Variants in NRXN3 observed in about 807,000 individuals in gnomAD.
The protein encoded by NRXN3 is neurexin 3, also known as neurexin III.
NRXN3 carries 32 observed loss-of-function variants against 137.6 expected under a neutral mutation model. The observed-to-expected ratio is 0.23, with a 90% CI of 0.18 to 0.31. The LOEUF is 0.31. Ranked by LOEUF, NRXN3 falls within the 10% of genes least tolerant of loss-of-function variation. The probability of loss-of-function intolerance (pLI) is 1.00; values close to 1 mark genes in which losing one functional copy is unlikely to be tolerated. For missense variants in NRXN3, 1,574 were observed against 2,062.5 expected (o/e 0.76, Z 4.59); for synonymous variants, 798 against 784.5 (o/e 1.02, Z -0.29).
intron 8 of NRXN3, among the ~76,000 whole-genome samples, chr14:78,786,856 A>G (rs545202287): frequency 5.3e-5 from 8 of 152,258 alleles, no homozygotes; most frequent in Admixed American, 1.3e-4. Flanking sequence ...AAACTTTTTC[A>G]TATCTCTGTA....
chr14:78,273,673 T>C (rs1164497436), intron 2 of NRXN3, among the ~76,000 whole-genome samples: 3 of 152,162 alleles, frequency 2.0e-5, no homozygotes, highest in African/African-American at 7.2e-5. Context: ...TAGGTAAATA[T>C]GTGTGTATAC....
In NRXN3 at chr14:79,744,459, C is replaced by G. The variant is rs1417728681; in HGVS notation, c.4014+46522C>G. Among the ~76,000 whole-genome samples the G allele has an allele frequency of 2.0e-5, 3 of 152,276 alleles. No individual in the cohort carries two copies. The East Asian group carries it at 5.8e-4, about 29-fold the overall frequency. On this transcript the variant is annotated intron_variant, in intron 19 of 20. Coordinates refer to ENST00000335750, the MANE Select transcript of NRXN3 (RefSeq NM_001330195.2). ...TTATGTCACATCACACTTGTGACTC[C>G]CACTGACATCTAAAGTAGTGTGAGC...
intron 1 of NRXN3, among the ~76,000 whole-genome samples, chr14:78,179,374 C>T (rs528587739): frequency 6.6e-6 from 1 of 152,288 alleles, no homozygotes; most frequent in East Asian, 1.9e-4. Context: ...AGCCCCTAGG[C>T]TGAGCTGCAT....
chr14:78,459,094 A>T (rs891253497), intron 4 of NRXN3, among the ~76,000 whole-genome samples: 38 of 152,322 alleles, frequency 2.5e-4, no homozygotes, highest in African/African-American at 8.2e-4. Context: ...CAGTGGGTAG[A>T]TGTGGACTTA....
intron 10 of NRXN3, among the ~76,000 whole-genome samples, chr14:78,943,654 A>G (rs1427012753): frequency 2.7e-5 from 2 of 74,860 alleles, no homozygotes; most frequent in Non-Finnish European, 5.0e-5. Flanking sequence ...ATATATATAT[A>G]TATATATATA....
intron 8 of NRXN3, among the ~76,000 whole-genome samples, chr14:78,724,646 T>C (rs1002830471): frequency 1.8e-4 from 27 of 152,250 alleles, no homozygotes; most frequent in African/African-American, 6.3e-4. Context: ...TGTGAAGATA[T>C]ACTTTTATGT....
chr14:79,354,082 A>C (rs1437659068), intron 15 of NRXN3, among the ~76,000 whole-genome samples: 1 of 152,182 alleles, frequency 6.6e-6, no homozygotes, highest in African/African-American at 2.4e-5. Flanking sequence ...AGTGAAAGTG[A>C]CACATTCTTG....
At chr14:78,381,247 G>A (rs1266308813) in intron 4 of NRXN3, among the ~76,000 whole-genome samples, 1 of 152,136 alleles carries the variant, frequency 6.6e-6, no homozygotes, top group African/African-American at 2.4e-5. Flanking sequence ...AGTTTCTTAG[G>A]CTTGTCCCCA....
rs1365715788 is a variant in NRXN3, at chr14:78,924,985, C to G, written c.2276-32257C>G. On this transcript the variant is annotated intron_variant, in intron 10 of 20. Coordinates refer to ENST00000335750, the MANE Select transcript of NRXN3 (RefSeq NM_001330195.2). ...TGTGAGTATTCACAAGCAAGAACCT[C>G]TGGCACATCTTCATCTTTATAATTC... Among the ~76,000 whole-genome samples, 4 of 152,186 alleles carry G rather than the reference C, an allele frequency of 2.6e-5. 1 individual carries two copies. Among genetic ancestry groups the G allele is most frequent in the Non-Finnish European group, 5.9e-5 (4 of 68,038 alleles).
chr14:79,536,671 C>T (rs144527617), intron 16 of NRXN3, among the ~76,000 whole-genome samples: 9,813 of 152,118 alleles, frequency 0.065, 356 homozygotes, highest in Middle Eastern at 0.14. Context: ...CATGTGTTCT[C>T]ATTGTTCAGC....
chr14:78,863,328 G>T (rs952427609), intron 10 of NRXN3, among the ~76,000 whole-genome samples: 11 of 152,130 alleles, frequency 7.2e-5, no homozygotes, highest in Non-Finnish European at 1.6e-4. Context: ...TATCAGTTCA[G>T]CCCCCGTATG....
chr14:78,990,474 C>T (rs113010040), intron 15 of NRXN3, among the ~76,000 whole-genome samples: 5,572 of 146,650 alleles, frequency 0.038, 146 homozygotes, highest in Admixed American at 0.07. Context: ...CAGGTTCAAG[C>T]GATTCTCCTG....
intron 8 of NRXN3, among the ~76,000 whole-genome samples, chr14:78,766,878 G>T (rs1016735798): frequency 6.6e-6 from 1 of 152,128 alleles, no homozygotes; most frequent in Non-Finnish European, 1.5e-5. Context: ...AATTCATCAT[G>T]GAGCTAGCAT....
In NRXN3 at chr14:79,861,759, C is replaced by T; in HGVS notation, c.4511C>T (p.Ala1504Val). The change falls in exon 21 of 21, where the codon GCT becomes GTT. Residue 1504 changes from alanine to valine, a missense_variant. Ala to Val is a moderately conservative substitution (Grantham distance 64). Transcript: ENST00000335750. The surrounding 1 kb of genome is among the most constrained non-coding windows in gnomAD (Gnocchi z 5.4). Reference sequence around the variant, plus strand: ...ACAGGGATGGTCGTCGGCATTGTGGCTGCTGCCGCCCTCTGCATCTTGATC... The same window carrying T: ...ACAGGGATGGTCGTCGGCATTGTGGTTGCTGCCGCCCTCTGCATCTTGATC... Reference protein sequence around the residue: ...STTGMVVGIVAAAALCILILL... With the variant: ...STTGMVVGIVVAAALCILILL... 1 of 1,614,078 alleles carries T rather than the reference C, an allele frequency of 6.2e-7. No individual in the cohort carries two copies. Among genetic ancestry groups the T allele is most frequent in the Middle Eastern group, 1.6e-4 (1 of 6,062 alleles).
At chr14:78,759,747 G>A (rs1429367709) in intron 8 of NRXN3, among the ~76,000 whole-genome samples, 1 of 152,174 alleles carries the variant, frequency 6.6e-6, no homozygotes, top group Non-Finnish European at 1.5e-5. Flanking sequence ...AGGTGTTTAA[G>A]GAAAAGCTTA....
rs1367938793 is a variant in NRXN3, at chr14:78,957,341, T to C, written c.2375T>C (p.Val792Ala). 1 of 1,613,918 alleles carries C rather than the reference T, an allele frequency of 6.2e-7. No homozygotes were observed. Among genetic ancestry groups the C allele is most frequent in the Non-Finnish European group, 8.5e-7 (1 of 1,179,988 alleles). The change falls in exon 11 of 21, where the codon GTG becomes GCG. Residue 792 changes from valine to alanine, a missense_variant. Coordinates refer to ENST00000335750, the MANE Select transcript of NRXN3 (RefSeq NM_001330195.2). ...VRRGKSLKLT[V>A]DDDVAEGTMV... ...AGAGGAAAAAGCCTTAAGTTAACCG[T>C]GGATGATGATGTGGCTGAGGGTGAG...
At chr14:79,592,342 G>C (rs1016492249) in intron 16 of NRXN3, among the ~76,000 whole-genome samples, 1 of 152,066 alleles carries the variant, frequency 6.6e-6, no homozygotes, top group African/African-American at 2.4e-5. Flanking sequence ...TGATGAAGAC[G>C]AATAATGTAC....
At chr14:78,208,794 C>A (rs750105845) in intron 1 of NRXN3, among the ~76,000 whole-genome samples, 1 of 152,198 alleles carries the variant, frequency 6.6e-6, no homozygotes, top group Non-Finnish European at 1.5e-5. Context: ...CCGGGTCCAA[C>A]TCTCAGCACA....
At chr14:78,559,423 CT>C (rs2096767416) in intron 4 of NRXN3, among the ~76,000 whole-genome samples, 1 of 152,162 alleles carries the variant, frequency 6.6e-6, no homozygotes, top group African/African-American at 2.4e-5. Flanking sequence ...GCATCTGTTC[CT>C]CTAGTGCTAA....
Sources: gnomAD v4.1 joint callset for allele counts (sites outside exome capture counted in the v4.1 genomes callset) on GRCh38, gnomAD v4.1.1 for gene constraint, Gnocchi (gnomAD v3.1) non-coding constraint, MANE v1.5 for transcripts, NCBI Gene and HGNC (gene_info 2026-07-23, HGNC 2026-07-21) for gene names.